Variants in DISP1 observed in about 807,000 individuals in gnomAD.
DISP1 encodes dispatched RND transporter family member 1.
Under a neutral mutation model 37.3 loss-of-function variants are expected in DISP1, and 30 were observed. That is an observed-to-expected ratio of 0.80 (90% CI 0.60 to 1.09). The LOEUF is 1.09. Among genes scored for constraint, DISP1 ranks in the 50% least tolerant of loss-of-function variants. DISP1 has a pLI of 0.00. For missense variants in DISP1, 1,598 were observed against 1,879.5 expected, an observed-to-expected ratio of 0.85 and a Z score of 2.77; for synonymous variants, 634 against 690.2, an observed-to-expected ratio of 0.92 and a Z score of 1.28.
At chr1:222,879,038 T>G (rs765360555) in intron 1 of DISP1, among the ~76,000 whole-genome samples, 74 of 152,174 alleles carry the variant, frequency 4.9e-4, no homozygotes, top group Admixed American at 3.3e-4. Flanking sequence ...TCTTCGTTTC[T>G]TCTTTGGAGC....
At chr1:222,939,354 AATTT>A (rs1363237316) in intron 2 of DISP1, among the ~76,000 whole-genome samples, 117 of 134,680 alleles carry the variant, frequency 8.7e-4, no homozygotes, top group Admixed American at 3.7e-3. Context: ...GAAGAAAAAT[AATTT>A]TTTTTTTTTT....
chr1:222,896,307 C>CA (rs374671816), intron 1 of DISP1, among the ~76,000 whole-genome samples: 14 of 140,562 alleles, frequency 1.0e-4, no homozygotes, highest in East Asian at 8.5e-4. Flanking sequence ...AATCCTGTCT[C>CA]AAAAAAAAAG....
intron 3 of DISP1, among the ~76,000 whole-genome samples, chr1:222,977,268 A>T (rs1677416876): frequency 6.7e-6 from 1 of 150,278 alleles, no homozygotes; most frequent in Non-Finnish European, 1.5e-5. Flanking sequence ...TTCCGACCTC[A>T]GGTGATCTGC....
Position 222,866,809 on chromosome 1 carries a change from C to G in DISP1, c.-159+51731C>G, listed in dbSNP as rs545738426. ...TATACATTTGCAGTTTGGCAAGCTT[C>G]TTTGTCACTTGAAGTAAAAAACTAA... On this transcript the variant is annotated intron_variant, in intron 1 of 8. Transcript: ENST00000675850. Among the ~76,000 whole-genome samples, 9 of 152,306 alleles carry G rather than the reference C, an allele frequency of 5.9e-5. No individual in the cohort carries two copies. In the South Asian group the frequency reaches 1.7e-3, roughly 28 times the overall value.
At chr1:222,941,627 G>A (rs1255317855) in intron 2 of DISP1, among the ~76,000 whole-genome samples, 2 of 152,116 alleles carry the variant, frequency 1.3e-5, no homozygotes, top group Admixed American at 6.5e-5. Context: ...AAATGCCTCT[G>A]CTGAGCAGTT....
Position 222,823,704 on chromosome 1 carries a change from A to C in DISP1, c.-159+8626A>C, listed in dbSNP as rs953351076. The stretch of plus-strand genomic sequence containing the variant: ...ATAAATAAGTAAAAAGCAAAAAAGT[A>C]TATGTGTTTTGAAGTGAAGCTTGTA... On this transcript the variant is annotated intron_variant, in intron 1 of 8. Coordinates refer to ENST00000675850, the MANE Select transcript of DISP1 (RefSeq NM_001377229.1). Among the ~76,000 whole-genome samples, 8 of 152,318 alleles carry C rather than the reference A, an allele frequency of 5.3e-5. 1 individual carries two copies. The highest frequency in any genetic ancestry group is 1.9e-4 in the African/African-American group (8 of 41,572).
intron 1 of DISP1, among the ~76,000 whole-genome samples, chr1:222,870,354 G>A (rs954829330): frequency 2.0e-5 from 3 of 152,180 alleles, no homozygotes; most frequent in African/African-American, 7.2e-5. Context: ...AGATCCCTGA[G>A]GAATCTGCAC....
intron 1 of DISP1, among the ~76,000 whole-genome samples, chr1:222,850,378 G>A (rs1296335830): frequency 6.6e-6 from 1 of 150,700 alleles, no homozygotes; most frequent in Admixed American, 6.6e-5. Context: ...TTTACCCCAT[G>A]TTTTTATTAT....
chr1:222,839,416 C>G (rs560025780), intron 1 of DISP1, among the ~76,000 whole-genome samples: 14 of 152,290 alleles, frequency 9.2e-5, no homozygotes, highest in Non-Finnish European at 1.9e-4. Flanking sequence ...AAAGATTAGG[C>G]ACCACTTATC....
rs565778884 is a variant in DISP1, at chr1:222,920,745, C to T, written c.-158-7685C>T. 1.2e-3 allele frequency among the ~76,000 whole-genome samples: 180 copies of T among 152,146 alleles called. 2 individuals carry two copies. Among genetic ancestry groups the T allele is most frequent in the Admixed American group, 4.1e-3 (63 of 15,290 alleles). On this transcript the variant is annotated intron_variant, in intron 1 of 8. Coordinates refer to ENST00000675850, the MANE Select transcript of DISP1 (RefSeq NM_001377229.1). ...TTCTTCACAGAAAAATGAAAAACTACGTCTTCTCTGAAATTTAATGATCTC... is the reference window on the plus strand; with the variant it reads ...TTCTTCACAGAAAAATGAAAAACTATGTCTTCTCTGAAATTTAATGATCTC...
In DISP1 at chr1:223,003,010, C is replaced by A. The variant is rs2102797598; in HGVS notation, c.1613C>A (p.Ser538Tyr). ...TLMTMFAIIS[S>Y]LIVSYFLYRV... ...ATGACAATGTTTGCAATAATCAGTT[C>A]TTTGATTGTTTCCTATTTTCTCTAT... The change falls in exon 9 of 9, where the codon TCT becomes TAT. Residue 538 changes from serine to tyrosine, a missense_variant. Coordinates refer to ENST00000675850, the MANE Select transcript of DISP1 (RefSeq NM_001377229.1). This position sits in a 1 kb window ranked among gnomAD's most constrained non-coding sequence, Gnocchi z 4.3. 1 of 1,613,850 alleles carries A rather than the reference C, an allele frequency of 6.2e-7. No individual in the cohort carries two copies. The highest frequency in any genetic ancestry group is 8.5e-7 in the Non-Finnish European group (1 of 1,180,012).
chr1:222,831,888 G>T (rs1665847633), intron 1 of DISP1, among the ~76,000 whole-genome samples: 1 of 152,184 alleles, frequency 6.6e-6, no homozygotes, highest in Admixed American at 6.5e-5. Flanking sequence ...TCTGAAGTTT[G>T]TGAAACAGTG....
At chr1:222,876,986 T>A (rs971627224) in intron 1 of DISP1, among the ~76,000 whole-genome samples, 1 of 152,190 alleles carries the variant, frequency 6.6e-6, no homozygotes. Context: ...CAAATTAAGA[T>A]GAATATATGA....
intron 3 of DISP1, among the ~76,000 whole-genome samples, chr1:222,954,684 A>G (rs1038946563): frequency 2.6e-5 from 4 of 152,058 alleles, no homozygotes; most frequent in African/African-American, 9.6e-5. Context: ...GAGCTAAGAG[A>G]AAGTGTCATA....
intron 1 of DISP1, among the ~76,000 whole-genome samples, chr1:222,888,483 T>C (rs1378565230): frequency 6.6e-6 from 1 of 152,106 alleles, no homozygotes; most frequent in East Asian, 1.9e-4. Flanking sequence ...GGGTAAAAAG[T>C]TTTACTTTAA....
At chr1:222,911,698 T>C (rs1322776702) in intron 1 of DISP1, among the ~76,000 whole-genome samples, 1 of 151,968 alleles carries the variant, frequency 6.6e-6, no homozygotes, top group Non-Finnish European at 1.5e-5. Context: ...TTTTTGTTTG[T>C]GTGTGTATTT....
chr1:222,834,467 G>C (rs1170334967), intron 1 of DISP1, among the ~76,000 whole-genome samples: 2 of 152,144 alleles, frequency 1.3e-5, no homozygotes, highest in African/African-American at 2.4e-5. Context: ...GCAGTGGAAT[G>C]GAGAAGCCAG....
intron 1 of DISP1, among the ~76,000 whole-genome samples, chr1:222,879,318 A>G (rs1398803912): frequency 2.0e-5 from 3 of 152,164 alleles, no homozygotes; most frequent in African/African-American, 7.2e-5. Context: ...GCTAAACAAT[A>G]TGGTATACCT....
At chr1:222,890,837 A>T (rs1442682589) in intron 1 of DISP1, among the ~76,000 whole-genome samples, 1 of 152,096 alleles carries the variant, frequency 6.6e-6, no homozygotes, top group African/African-American at 2.4e-5. Flanking sequence ...GTTTGTAGAC[A>T]CAATAGCCTG....
Sources: allele counts gnomAD v4.1 joint callset (sites outside exome capture counted in the v4.1 genomes callset), GRCh38; gene constraint gnomAD v4.1.1; non-coding constraint Gnocchi (gnomAD v3.1); transcripts MANE v1.5; gene names NCBI Gene and HGNC (gene_info 2026-07-23, HGNC 2026-07-21).